Variants in DTNB observed in about 807,000 individuals in gnomAD.
DTNB encodes dystrobrevin beta.
A neutral mutation model predicts 90.7 loss-of-function variants in DTNB; 63 were observed. The ratio of observed to expected loss-of-function variants is 0.69; its 90% CI spans 0.57 to 0.86. The LOEUF is 0.86. DTNB is among the 40% of genes least tolerant of loss of function. The probability of loss-of-function intolerance (pLI) is 0.00; values close to 1 mark genes in which losing one functional copy is unlikely to be tolerated. For missense variants in DTNB, 744 were observed against 807.1 expected, an observed-to-expected ratio of 0.92 and a Z score of 0.95; for synonymous variants, 277 against 286.7, an observed-to-expected ratio of 0.97 and a Z score of 0.34.
At chr2:25,522,792 C>T (rs1475944869) in intron 9 of DTNB, among the ~76,000 whole-genome samples, 1 of 151,326 alleles carries the variant, frequency 6.6e-6, no homozygotes, top group Non-Finnish European at 1.5e-5. Flanking sequence ...CCTCTACCTC[C>T]TGGGTTCAAG....
intron 3 of DTNB, among the ~76,000 whole-genome samples, chr2:25,629,591 C>T (rs2075237595): frequency 6.6e-6 from 1 of 151,858 alleles, no homozygotes; most frequent in Non-Finnish European, 1.5e-5. Flanking sequence ...CAATTTTCAA[C>T]CAAAACAAAG....
chr2:25,419,369 C>T, intron 16 of DTNB, 146 bp downstream of exon 16: 1 of 1,287,936 alleles, frequency 7.8e-7, no homozygotes, highest in Non-Finnish European at 1.1e-6. Context: ...CATTTTACAA[C>T]ACCATGGGGA....
At chr2:25,466,179 T>C (rs773082697) in intron 10 of DTNB, among the ~76,000 whole-genome samples, 12 of 151,982 alleles carry the variant, frequency 7.9e-5, no homozygotes, top group Non-Finnish European at 1.5e-4. Context: ...TACTAAAAAA[T>C]ACAAAAATTA....
chr2:25,617,910 T>C (rs1350276530), intron 4 of DTNB, among the ~76,000 whole-genome samples: 1 of 152,180 alleles, frequency 6.6e-6, no homozygotes, highest in Non-Finnish European at 1.5e-5. Context: ...TTATTAAAGA[T>C]ACCTACTTTA....
intron 6 of DTNB, among the ~76,000 whole-genome samples, chr2:25,585,253 ATC>A (rs1354460845): frequency 2.0e-5 from 3 of 152,220 alleles, no homozygotes; most frequent in African/African-American, 7.2e-5. Flanking sequence ...TGAATACATC[ATC>A]TGTTTTTTCA....
intron 8 of DTNB, among the ~76,000 whole-genome samples, chr2:25,560,402 T>C (rs778630620): frequency 4.6e-5 from 7 of 152,224 alleles, no homozygotes; most frequent in Non-Finnish European, 8.8e-5. Flanking sequence ...TGGCCTTCCC[T>C]AGTGTGGATG....
At chr2:25,567,268 A>G (rs1301479898) in intron 8 of DTNB, among the ~76,000 whole-genome samples, 1 of 152,224 alleles carries the variant, frequency 6.6e-6, no homozygotes, top group Non-Finnish European at 1.5e-5. Flanking sequence ...CCTTTTTCCC[A>G]TGAATACATA....
intron 2 of DTNB, 61 bp downstream of exon 2, chr2:25,652,533 A>T (rs1349397758): frequency 3.8e-6 from 2 of 531,672 alleles, no homozygotes; most frequent in African/African-American, 5.1e-5. Context: ...GACTTGATCT[A>T]AAAAAAAAAA....
intron 20 of DTNB, among the ~76,000 whole-genome samples, chr2:25,378,148 GGA>G (rs2036395869): frequency 6.6e-6 from 1 of 152,194 alleles, no homozygotes; most frequent in Admixed American, 6.5e-5. Context: ...TCTGCCCCGG[GGA>G]GAGAGGGGCT....
At chr2:25,641,943 C>T (rs1259049080) in intron 2 of DTNB, among the ~76,000 whole-genome samples, 2 of 152,176 alleles carry the variant, frequency 1.3e-5, no homozygotes, top group Non-Finnish European at 2.9e-5. Context: ...GCCTCAGCCT[C>T]CCGAGTAGCT....
chr2:25,438,280 T>C (rs560714073), intron 12 of DTNB, among the ~76,000 whole-genome samples: 1 of 152,220 alleles, frequency 6.6e-6, no homozygotes, highest in South Asian at 2.1e-4. Context: ...AAACTAATGA[T>C]AGCTGATGAG....
At chr2:25,417,512 C>A (rs369313565) in intron 16 of DTNB, among the ~76,000 whole-genome samples, 4 of 152,218 alleles carry the variant, frequency 2.6e-5, no homozygotes, top group African/African-American at 9.6e-5. Context: ...CCAATATCCA[C>A]AATGCCTGCC....
chr2:25,658,684 G>T (rs148190195), intron 1 of DTNB, among the ~76,000 whole-genome samples: 19 of 152,336 alleles, frequency 1.2e-4, no homozygotes, highest in African/African-American at 4.3e-4. Flanking sequence ...CATACTGTAT[G>T]ACTCCAATTT....
chr2:25,465,964 C>T (rs1463833231), intron 10 of DTNB, among the ~76,000 whole-genome samples: 2 of 152,204 alleles, frequency 1.3e-5, no homozygotes, highest in Non-Finnish European at 1.5e-5. Context: ...AACAGTGCCT[C>T]GCACATATCA....
At position 25,616,630 on chromosome 2, in the gene DTNB, T is replaced by TAAAAAAAAAAAAAAAAAAAAAAAAAAA. The variant is rs58950790; in HGVS notation, c.363-9310_363-9309insTTTTTTTTTTTTTTTTTTTTTTTTTTT. On this transcript the variant is annotated intron_variant, in intron 4 of 20. Transcript: ENST00000406818. ...ATAATCTAGATCAGGCTATTTATAG[T>TAAAAAAAAAAAAAAAAAAAAAAAAAAA]AAAAAAAAAAAAAAAGACTTGGCCG... 1.3e-4 allele frequency among the ~76,000 whole-genome samples: 15 copies of TAAAAAAAAAAAAAAAAAAAAAAAAAAA among 117,664 alleles called. 1 individual carries two copies. Among genetic ancestry groups the TAAAAAAAAAAAAAAAAAAAAAAAAAAA allele is most frequent in the African/African-American group, 5.1e-4 (15 of 29,200 alleles). 77.2% of individuals were successfully genotyped at this position (117,664 alleles called of 152,430 possible).
chr2:25,542,867 C>G (rs2081577340), intron 8 of DTNB, among the ~76,000 whole-genome samples: 1 of 151,708 alleles, frequency 6.6e-6, no homozygotes, highest in Non-Finnish European at 1.5e-5. Context: ...TGATATTATA[C>G]TAATTCTTTT....
rs75603239 is a variant in DTNB at position 25,466,528 on chromosome 2, C to T, written c.1080-11034G>A. On this transcript the variant is annotated intron_variant, in intron 10 of 20. Coordinates refer to ENST00000406818, the MANE Select transcript of DTNB (RefSeq NM_021907.5). ...AAGGGCAGGAGTAAACACCAAGTGC[C>T]GTGTTAGAGAACGCAGGGGAGCTCC... Among the ~76,000 whole-genome samples the T allele has an allele frequency of 1.2e-4, 18 of 152,228 alleles. No individual in the cohort carries two copies. In the East Asian group the frequency reaches 3.1e-3, roughly 26 times the overall value.
chr2:25,444,539 A>C (rs1346434440), intron 12 of DTNB, among the ~76,000 whole-genome samples: 1 of 150,832 alleles, frequency 6.6e-6, no homozygotes, highest in African/African-American at 2.5e-5. Flanking sequence ...CATCTCAAAA[A>C]AAAAAAAAAA....
At chr2:25,671,466 C>G (rs2085889952) in intron 1 of DTNB, among the ~76,000 whole-genome samples, 3 of 152,250 alleles carry the variant, frequency 2.0e-5, no homozygotes, top group Non-Finnish European at 4.4e-5. Flanking sequence ...GACCTGCTGG[C>G]TGTACAGCCC....
Sources: allele counts gnomAD v4.1 joint callset (sites outside exome capture counted in the v4.1 genomes callset), GRCh38; gene constraint gnomAD v4.1.1; transcripts MANE v1.5; gene names NCBI Gene and HGNC (gene_info 2026-07-23, HGNC 2026-07-21).